Variants in ASTN2 observed in about 807,000 individuals in gnomAD.
The protein encoded by ASTN2 is astrotactin 2.
In ASTN2, 54 loss-of-function variants were observed where a neutral mutation model predicts 139.8. The ratio of observed to expected loss-of-function variants is 0.39; its 90% CI spans 0.31 to 0.48. ASTN2 has a LOEUF of 0.48. Ranked by LOEUF, ASTN2 falls within the 20% of genes least tolerant of loss-of-function variation. ASTN2 has a pLI of 0.95. For missense variants in ASTN2, 1,565 were observed against 1,725.1 expected (o/e 0.91, Z 1.64); for synonymous variants, 756 against 719.5 (o/e 1.05, Z -0.81).
At chr9:117,113,487 C>A (rs1829299136) in intron 4 of ASTN2, among the ~76,000 whole-genome samples, 1 of 152,156 alleles carries the variant, frequency 6.6e-6, no homozygotes, top group Non-Finnish European at 1.5e-5. Flanking sequence ...TAAACCCCGT[C>A]TCCACTAAAT....
At chr9:117,030,317 C>T (rs1250764649) in intron 6 of ASTN2, among the ~76,000 whole-genome samples, 1 of 152,200 alleles carries the variant, frequency 6.6e-6, no homozygotes, top group Non-Finnish European at 1.5e-5. Flanking sequence ...GCCTTCTGTT[C>T]ACAACAACAG....
At chr9:116,602,700 A>G (rs948347889) in intron 19 of ASTN2, among the ~76,000 whole-genome samples, 1 of 152,170 alleles carries the variant, frequency 6.6e-6, no homozygotes, top group African/African-American at 2.4e-5. Context: ...AGGCCAAGGC[A>G]GGCAGATTAC....
At chr9:116,854,346 C>T (rs957578555) in intron 11 of ASTN2, among the ~76,000 whole-genome samples, 4 of 152,218 alleles carry the variant, frequency 2.6e-5, no homozygotes, top group African/African-American at 9.6e-5. Context: ...TTAGTCCTAA[C>T]AGCAGCTTTG....
chr9:116,924,239 T>C (rs923390604), intron 10 of ASTN2, among the ~76,000 whole-genome samples: 4 of 150,260 alleles, frequency 2.7e-5, no homozygotes, highest in Non-Finnish European at 5.9e-5. Context: ...TGAAATCCTA[T>C]CTCTACTAAA....
chr9:117,039,645 A>C (rs914020318), intron 6 of ASTN2, among the ~76,000 whole-genome samples, 174 bp downstream of exon 6: 4 of 152,234 alleles, frequency 2.6e-5, no homozygotes, highest in African/African-American at 9.6e-5. Context: ...TAATTCAAAT[A>C]ATCCAGATTA....
chr9:117,288,971 C>A (rs571895920), intron 2 of ASTN2, among the ~76,000 whole-genome samples: 5 of 152,226 alleles, frequency 3.3e-5, no homozygotes, highest in Admixed American at 6.5e-5. Flanking sequence ...TTAGTATAAT[C>A]CTTGTTCTAT....
intron 3 of ASTN2, among the ~76,000 whole-genome samples, chr9:117,186,055 G>T (rs1831188746): frequency 6.6e-6 from 1 of 152,104 alleles, no homozygotes; most frequent in South Asian, 2.1e-4. Flanking sequence ...CAAATCCTGG[G>T]TCTAATACAA....
At chr9:117,343,122 G>A (rs1223407545) in intron 1 of ASTN2, among the ~76,000 whole-genome samples, 1 of 152,130 alleles carries the variant, frequency 6.6e-6, no homozygotes, top group Non-Finnish European at 1.5e-5. Context: ...GTATGTGCAG[G>A]GCTGCAATTT....
At chr9:116,475,234 T>C (rs1213529236) in intron 20 of ASTN2, among the ~76,000 whole-genome samples, 1 of 152,206 alleles carries the variant, frequency 6.6e-6, no homozygotes, top group East Asian at 1.9e-4. Context: ...CAGTCTCAAA[T>C]GGTAACCAGC....
At chr9:117,102,802 G>T in intron 4 of ASTN2, among the ~76,000 whole-genome samples, 1 of 152,178 alleles carries the variant, frequency 6.6e-6, no homozygotes, top group Admixed American at 6.5e-5. Context: ...GATTACAGGC[G>T]TGAGTAACCG....
At chr9:117,237,419 C>A (rs1833078099) in intron 2 of ASTN2, among the ~76,000 whole-genome samples, 1 of 152,136 alleles carries the variant, frequency 6.6e-6, no homozygotes, top group South Asian at 2.1e-4. Context: ...CTGTGGCTGA[C>A]TGTGGATTCA....
At chr9:116,731,201 AAT>A (rs1564237251) in intron 14 of ASTN2, among the ~76,000 whole-genome samples, 1 of 147,360 alleles carries the variant, frequency 6.8e-6, no homozygotes, top group Non-Finnish European at 1.5e-5. Context: ...TAATAATAAT[AAT>A]AATAATAATA....
intron 5 of ASTN2, among the ~76,000 whole-genome samples, chr9:117,053,960 T>C (rs10983479): frequency 0.17 from 25,851 of 151,888 alleles, 2,764 homozygotes; most frequent in Middle Eastern, 0.3. Context: ...ATGTATGCAT[T>C]GTGTTTAAAT....
At chr9:116,652,748 T>C (rs1857989285) in intron 16 of ASTN2, among the ~76,000 whole-genome samples, 1 of 152,224 alleles carries the variant, frequency 6.6e-6, no homozygotes, top group South Asian at 2.1e-4. Context: ...ACATCATTTC[T>C]CCTTTTTTTG....
At chr9:116,936,758 G>A (rs1421729485) in intron 10 of ASTN2, among the ~76,000 whole-genome samples, 1 of 152,148 alleles carries the variant, frequency 6.6e-6, no homozygotes, top group Non-Finnish European at 1.5e-5. Flanking sequence ...GGCTTCAGAT[G>A]ACAAATGAAC....
chr9:116,938,977 A>G, intron 10 of ASTN2, among the ~76,000 whole-genome samples: 1 of 152,230 alleles, frequency 6.6e-6, no homozygotes, highest in East Asian at 1.9e-4. Flanking sequence ...AAATATGAAT[A>G]GGACACTTCC....
Position 116,952,153 on chromosome 9 carries a change from A to G in ASTN2, c.1889+23055T>C, listed in dbSNP as rs1835580014. ...TAGTTTATTCTTAATGCTAGTGAGC[A>G]CTTGACATGATTTGAGAGTTGCAGA... On this transcript the variant is annotated intron_variant, in intron 10 of 22. Transcript: ENST00000313400. 2.6e-5 allele frequency among the ~76,000 whole-genome samples: 4 copies of G among 152,208 alleles called. No homozygotes were observed. In the South Asian group the frequency reaches 8.3e-4, roughly 32 times the overall value.
chr9:116,806,896 G>A (rs1416344727), intron 12 of ASTN2, among the ~76,000 whole-genome samples: 1 of 152,206 alleles, frequency 6.6e-6, no homozygotes, highest in East Asian at 1.9e-4. Flanking sequence ...AACACTTTAT[G>A]TATTTATTAT....
intron 19 of ASTN2, among the ~76,000 whole-genome samples, chr9:116,590,382 T>G (rs1854331523): frequency 6.6e-6 from 1 of 152,190 alleles, no homozygotes; most frequent in African/African-American, 2.4e-5. Context: ...GCTGGGTGCA[T>G]GTGAGCTCAG....
Sources: gnomAD v4.1 joint callset for allele counts (sites outside exome capture counted in the v4.1 genomes callset) on GRCh38, gnomAD v4.1.1 for gene constraint, MANE v1.5 for transcripts, NCBI Gene and HGNC (gene_info 2026-07-23, HGNC 2026-07-21) for gene names.